The following SVEP1 variants were observed in gnomAD, a reference collection of about 807,000 sequenced individuals.
SVEP1 encodes sushi, von Willebrand factor type A, EGF and pentraxin domain containing 1.
SVEP1 carries 164 observed loss-of-function variants against 367.3 expected under a neutral mutation model. The ratio of observed to expected loss-of-function variants is 0.45; its 90% CI spans 0.39 to 0.51. The LOEUF (loss-of-function observed/expected upper bound fraction) is 0.51. Ranked by LOEUF, SVEP1 falls within the 20% of genes least tolerant of loss-of-function variation. The pLI is 0.00. For synonymous variants in SVEP1, 1,666 were observed against 1,611.6 expected, an observed-to-expected ratio of 1.03 and a Z score of -0.81; for missense variants, 4,117 against 4,425.3, an observed-to-expected ratio of 0.93 and a Z score of 1.98.
intron 1 of SVEP1, among the ~76,000 whole-genome samples, chr9:110,569,878 A>G (rs1252223150): frequency 1.3e-5 from 2 of 152,260 alleles, no homozygotes. Flanking sequence ...ACAGAAATAA[A>G]CTATTAATTT....
intron 27 of SVEP1, among the ~76,000 whole-genome samples, chr9:110,438,526 T>G (rs7855991): frequency 1.3e-5 from 2 of 151,998 alleles, no homozygotes; most frequent in Admixed American, 6.6e-5. Context: ...TTTTAACACA[T>G]GAATGGACAA....
chr9:110,499,382 G>T, intron 6 of SVEP1, 144 bp from the exon 7 acceptor site: 2 of 702,088 alleles, frequency 2.8e-6, no homozygotes, highest in Non-Finnish European at 4.5e-6. Flanking sequence ...GACATTGAAT[G>T]TATAATATAT....
At position 110,472,874 on chromosome 9, in the gene SVEP1, T is replaced by C. The variant is rs1202961060; in HGVS notation, c.2600-551A>G. ...CCACACTGGAGGCAACAAGGGTACA[T>C]GGAATTCTCTAGATGCCCTTGATAT... On this transcript the variant is annotated intron_variant, in intron 14 of 47. Transcript: ENST00000374469. Among the ~76,000 whole-genome samples the C allele has an allele frequency of 5.9e-5, 9 of 152,178 alleles. No homozygotes were observed. In the East Asian group the frequency reaches 1.7e-3, roughly 29 times the overall value.
At position 110,408,485 on chromosome 9, in the gene SVEP1, G is replaced by C. The variant is rs1827990228; in HGVS notation, c.7115C>G (p.Ser2372Cys). 6.2e-7 allele frequency: 1 copy of C among 1,613,888 alleles called. No homozygotes were observed. Among genetic ancestry groups the C allele is most frequent in the South Asian group, 1.1e-5 (1 of 91,072 alleles). Residue 2372 changes from serine (S) to cysteine (C), a missense_variant, in exon 38 of 48, where the codon TCT becomes TGT. By Grantham distance (112) the Ser-to-Cys change is moderately radical. Transcript: ENST00000374469. ...KCLPSQQWND[S>C]FPVCKIVLCT... ...AAGAACAATCTTACAAACAGGGAAA[G>C]AGTCATTCCATTGCTGGGATGGCAA... is the stretch of plus-strand genomic sequence containing the variant.
chr9:110,543,687 G>T (rs1830182097), intron 3 of SVEP1, among the ~76,000 whole-genome samples: 1 of 152,160 alleles, frequency 6.6e-6, no homozygotes, highest in African/African-American at 2.4e-5. Context: ...CTGGCTGTTT[G>T]GCAGGGAGCA....
chr9:110,432,139 C>T (rs1828359711), intron 31 of SVEP1, 105 bp from the exon 32 acceptor site: 1 of 1,214,090 alleles, frequency 8.2e-7, no homozygotes, highest in African/African-American at 1.5e-5. Flanking sequence ...ATGCACAACA[C>T]TTCATATATT....
At position 110,459,121 on chromosome 9, in the gene SVEP1, G is replaced by A; in HGVS notation, c.3323-8C>T. 6.2e-7 allele frequency: 1 copy of A among 1,611,948 alleles called. No individual in the cohort carries two copies. The highest frequency in any genetic ancestry group is 8.5e-7 in the Non-Finnish European group (1 of 1,178,558). ...TTCCTTCTGGACAAGGAACTGCAGA[G>A]GTAAAAACAAATCATATGTGCATAT... On this transcript the variant is annotated splice_polypyrimidine_tract_variant and splice_region_variant and intron_variant, in intron 18 of 47. Transcript: ENST00000374469.
At chr9:110,554,018 C>T (rs1830324356) in intron 1 of SVEP1, among the ~76,000 whole-genome samples, 1 of 152,234 alleles carries the variant, frequency 6.6e-6, no homozygotes, top group Non-Finnish European at 1.5e-5. Flanking sequence ...ATAGAGACTA[C>T]TTTTACTTTT....
intron 21 of SVEP1, among the ~76,000 whole-genome samples, chr9:110,456,158 G>A (rs1453115995): frequency 1.3e-5 from 2 of 152,144 alleles, no homozygotes; most frequent in East Asian, 3.8e-4. Flanking sequence ...TGGGCTAGCT[G>A]TGCTGGAAAC....
chr9:110,544,923 C>T (rs1830199279), intron 3 of SVEP1, among the ~76,000 whole-genome samples: 1 of 152,128 alleles, frequency 6.6e-6, no homozygotes, highest in African/African-American at 2.4e-5. Context: ...ATCCCCCATA[C>T]CTTCTACCCT....
intron 43 of SVEP1, among the ~76,000 whole-genome samples, chr9:110,381,142 T>C (rs1384145411): frequency 6.6e-6 from 1 of 152,180 alleles, no homozygotes; most frequent in Admixed American, 6.5e-5. Context: ...TATTACTTTT[T>C]TCAGAAAAAC....
Position 110,481,319 on chromosome 9 carries a change from G to C in SVEP1, c.2288C>G (p.Ser763Cys). 1 of 1,611,530 alleles carries C rather than the reference G, an allele frequency of 6.2e-7. No homozygotes were observed. Among genetic ancestry groups the C allele is most frequent in the Middle Eastern group, 1.7e-4 (1 of 6,052 alleles). The change falls in exon 12 of 48, where the codon TCT (serine) becomes TGT (cysteine). Residue 763 changes from serine to cysteine, a missense_variant. Around this residue, in one of 4 missense-constraint regions of SVEP1, gnomAD observed 2,174 missense variants for 2,494.3 expected, o/e 0.87. Transcript: ENST00000374469. ...ATAAGCACAATAATACTTGTCAGTA[G>C]ACCCTTCTGTGAAATCATAGCCCTC... ...CLEGYDFTEG[S>C]TDKYYCAYED...
intron 1 of SVEP1, among the ~76,000 whole-genome samples, chr9:110,557,049 C>T (rs947491349): frequency 6.6e-6 from 1 of 152,136 alleles, no homozygotes; most frequent in South Asian, 2.1e-4. Context: ...AATTTCACCA[C>T]GCCTTGTCTG....
Position 110,375,379 on chromosome 9 carries a change from C to A in SVEP1, c.10589G>T (p.Arg3530Leu). The change falls in exon 46 of 48, where the codon CGC (arginine) becomes CTC (leucine). Residue 3530 changes from arginine to leucine, a missense_variant. By Grantham distance (102) the Arg-to-Leu change is moderately radical. This residue lies in a region of SVEP1 where 1,765 missense variants were observed against 1,781.1 expected (regional missense o/e 0.99). Coordinates refer to ENST00000374469, the MANE Select transcript of SVEP1 (RefSeq NM_153366.4). ...TGAAAGAGGCCTACCTGTATGACAG[C>A]GAGACCCCGTCCAGCCAGGCGGGCA... The part of the protein sequence containing the change: ...CDCPPGWTGS[R>L]CHTAVCQSPC... 1 of 1,548,324 alleles carries A rather than the reference C, an allele frequency of 6.5e-7. No homozygotes were observed. The highest frequency in any genetic ancestry group is 1.2e-5 in the South Asian group (1 of 83,826).
At chr9:110,520,231 A>C (rs1044924542) in intron 3 of SVEP1, among the ~76,000 whole-genome samples, 1 of 152,166 alleles carries the variant, frequency 6.6e-6, no homozygotes, top group Non-Finnish European at 1.5e-5. Flanking sequence ...GCATTGCACA[A>C]TTCTAGTGGG....
intron 8 of SVEP1, among the ~76,000 whole-genome samples, chr9:110,493,409 T>C (rs1829399973): frequency 6.6e-6 from 1 of 152,092 alleles, no homozygotes; most frequent in Admixed American, 6.6e-5. Flanking sequence ...ATTGTTTCCA[T>C]AGCAAATTCC....
Position 110,538,870 on chromosome 9 carries a change from A to AT in SVEP1, c.964+7244dup, listed in dbSNP as rs1473578200. Among the ~76,000 whole-genome samples, 12 of 152,194 alleles carry AT rather than the reference A, an allele frequency of 7.9e-5. 1 individual carries two copies. The East Asian group carries it at 2.1e-3, about 27-fold the overall frequency. Reference sequence around the variant, plus strand: ...GAGTTCACTGACTACTCTCAATGTGATTTGATGATCTATCCATCTTAAAAT... The same window carrying AT: ...GAGTTCACTGACTACTCTCAATGTGATTTTGATGATCTATCCATCTTAAAAT... On this transcript the variant is annotated intron_variant, in intron 3 of 47. Transcript: ENST00000374469.
chr9:110,480,715 T>C (rs1362008773), intron 12 of SVEP1, among the ~76,000 whole-genome samples: 3 of 152,040 alleles, frequency 2.0e-5, no homozygotes, highest in African/African-American at 7.2e-5. Context: ...CCCTGCAGTC[T>C]GAAACTCCAG....
At chr9:110,417,072 A>C (rs1196786525) in intron 36 of SVEP1, among the ~76,000 whole-genome samples, 1 of 152,080 alleles carries the variant, frequency 6.6e-6, no homozygotes. Flanking sequence ...CAACGGAATA[A>C]TAGCTTCAAA....
Sources: allele counts gnomAD v4.1 joint callset (sites outside exome capture counted in the v4.1 genomes callset), GRCh38; gene constraint gnomAD v4.1.1; regional missense constraint gnomAD v4.1.1; transcripts MANE v1.5; gene names NCBI Gene and HGNC (gene_info 2026-07-23, HGNC 2026-07-21).